Variants in PNISR observed in about 807,000 individuals in gnomAD.
PNISR encodes the protein PNN interacting serine and arginine rich protein, also known as arginine/serine-rich protein PNISR.
Under a neutral mutation model 93.4 loss-of-function variants are expected in PNISR, and 20 were observed. The observed-to-expected ratio is 0.21, with a 90% confidence interval of 0.15 to 0.31. PNISR has a LOEUF of 0.31. Ranked by LOEUF, PNISR falls within the 10% of genes least tolerant of loss-of-function variation. PNISR has a pLI of 1.00. For synonymous variants in PNISR, 305 were observed against 306.5 expected (o/e 0.99, Z 0.05); for missense variants, 893 against 985.4 (o/e 0.91, Z 1.25).
intron 1 of PNISR, among the ~76,000 whole-genome samples, chr6:99,421,362 T>C (rs1778529291): frequency 6.6e-6 from 1 of 152,230 alleles, no homozygotes; most frequent in Admixed American, 6.5e-5. Flanking sequence ...ACAGATACAC[T>C]GAAGTCCTAA....
At position 99,408,286 on chromosome 6, in the gene PNISR, A is replaced by G; in HGVS notation, c.674-15T>C. 1 of 1,561,424 alleles carries G rather than the reference A, an allele frequency of 6.4e-7. No individual in the cohort carries two copies. Among genetic ancestry groups the G allele is most frequent in the Non-Finnish European group, 8.7e-7 (1 of 1,145,274 alleles). On this transcript the variant is annotated splice_polypyrimidine_tract_variant and intron_variant, in intron 6 of 11. Coordinates refer to ENST00000369239, the MANE Select transcript of PNISR (RefSeq NM_032870.4). ...TTTTACTGCGTCTGTTTCACGTGGGAAAAATATACGCAAGTCAGTTAAGTA... is the reference window on the plus strand; with the variant it reads ...TTTTACTGCGTCTGTTTCACGTGGGGAAAATATACGCAAGTCAGTTAAGTA...
chr6:99,402,752 A>C (rs771195402), intron 10 of PNISR, 42 bp from the exon 11 acceptor site: 2 of 1,428,982 alleles, frequency 1.4e-6, no homozygotes, highest in Non-Finnish European at 1.9e-6. Context: ...AAAAAATTAT[A>C]CTATGCACTA....
In PNISR at chr6:99,406,015, A is replaced by G; in HGVS notation, c.1002+16T>C. On this transcript the variant is annotated intron_variant, in intron 8 of 11. Coordinates refer to ENST00000369239, the MANE Select transcript of PNISR (RefSeq NM_032870.4). Reference sequence around the variant, plus strand: ...GAAATAAATCCATGTACATAGTAAGAACTTTAACATTCTACCATTTGATAC... The same window carrying G: ...GAAATAAATCCATGTACATAGTAAGGACTTTAACATTCTACCATTTGATAC... 6.3e-7 allele frequency: 1 copy of G among 1,581,246 alleles called. No homozygotes were observed. Among genetic ancestry groups the G allele is most frequent in the Non-Finnish European group, 8.6e-7 (1 of 1,161,618 alleles).
intron 1 of PNISR, among the ~76,000 whole-genome samples, chr6:99,417,935 T>C (rs1242376581): frequency 7.2e-6 from 1 of 138,440 alleles, no homozygotes; most frequent in African/African-American, 2.7e-5. Flanking sequence ...GCCATTGCAC[T>C]CTAGCCTGGG....
At chr6:99,425,177 C>A in intron 1 of PNISR, 38 bp downstream of exon 1, 1 of 1,206,018 alleles carries the variant, frequency 8.3e-7, no homozygotes, top group Non-Finnish European at 1.0e-6. Flanking sequence ...TGTAATGGTC[C>A]GGCAAGTGCC....
chr6:99,422,870 C>G (rs1582863221), intron 1 of PNISR, among the ~76,000 whole-genome samples: 1 of 68,002 alleles, frequency 1.5e-5, no homozygotes, highest in Non-Finnish European at 2.7e-5. Context: ...GAGTGACACT[C>G]TGTCTCAAAA....
chr6:99,410,774 A>C lies in PNISR; in HGVS notation c.468T>G (p.Phe156Leu). 6.2e-7 allele frequency: 1 copy of C among 1,614,124 alleles called. No individual in the cohort carries two copies. The change falls in exon 5 of 12, where the codon TTT (phenylalanine) becomes TTG (leucine). Residue 156 changes from phenylalanine (F) to leucine (L), a missense_variant. By Grantham distance (22) the Phe-to-Leu change is conservative. Transcript: ENST00000369239. ...CAAACTGGTTCACTGGCCCCACTGCAAAATTATCGGGTGGTCCACCAAAGT... is the reference window on the plus strand; with the variant it reads ...CAAACTGGTTCACTGGCCCCACTGCCAAATTATCGGGTGGTCCACCAAAGT... ...NHNFGGPPDNFAVGPVNQFDY... is the reference protein window; with the variant it reads ...NHNFGGPPDNLAVGPVNQFDY...
intron 1 of PNISR, among the ~76,000 whole-genome samples, chr6:99,417,064 C>A (rs1242456550): frequency 6.6e-6 from 1 of 152,110 alleles, no homozygotes; most frequent in African/African-American, 2.4e-5. Flanking sequence ...TTATGAGAAC[C>A]AAAAAGCTTG....
In PNISR at chr6:99,415,998, C is replaced by T. The variant is rs558905846; in HGVS notation, c.-32+351G>A. 3.1e-5 allele frequency: 5 copies of T among 159,068 alleles called. No homozygotes were observed. In the South Asian group the frequency reaches 1.0e-3, roughly 33 times the overall value. 9.9% of individuals were successfully genotyped at this position (159,068 alleles called of 1,614,324 possible). A position where few individuals can be genotyped will look rare whatever the true frequency, so the allele number is the denominator to read the frequency against. On this transcript the variant is annotated intron_variant, in intron 2 of 11. Transcript: ENST00000369239. ...TATGGGAGGTGTATTTCTTTGTCAC[C>T]TTGATTTACTTATGAGTCAAATGTA... is the stretch of plus-strand genomic sequence containing the variant.
Position 99,401,108 on chromosome 6 carries a change from C to T in PNISR, c.1850G>A (p.Arg617His), listed in dbSNP as rs753785061. 52 of 1,613,708 alleles carry T rather than the reference C, an allele frequency of 3.2e-5. No homozygotes were observed. In the East Asian group the frequency reaches 6.9e-4, roughly 21 times the overall value. ...RRNRSPSRER[R>H]RSRSRSRDRR... ...ATCCCTTGAGCGACTTCTACTTCTA[C>T]GTCTCTCTCGGGAAGGACTCCGATT... Residue 617 changes from arginine to histidine, a missense_variant, in exon 12 of 12, where the codon CGT (arginine) becomes CAT (histidine). Coordinates refer to ENST00000369239, the MANE Select transcript of PNISR (RefSeq NM_032870.4).
In PNISR at chr6:99,420,677, T is replaced by C. The variant is rs184417304; in HGVS notation, c.-111-4249A>G. On this transcript the variant is annotated intron_variant, in intron 1 of 11. Transcript: ENST00000369239. Reference sequence around the variant, plus strand: ...TATGGTTTAACAAAATAACATAACGTTGTACCATTAAAAATGACATTTACA... The same window carrying C: ...TATGGTTTAACAAAATAACATAACGCTGTACCATTAAAAATGACATTTACA... Among the ~76,000 whole-genome samples, 24 of 152,324 alleles carry C rather than the reference T, an allele frequency of 1.6e-4. No homozygotes were observed. The East Asian group carries it at 4.4e-3, about 28-fold the overall frequency.
At position 99,399,736 on chromosome 6, in the gene PNISR, A is replaced by G. The variant is rs1775239844; in HGVS notation, c.*804T>C. 6.6e-6 allele frequency: 1 copy of G among 152,208 alleles called. No homozygotes were observed. Among genetic ancestry groups the G allele is most frequent in the African/African-American group, 2.4e-5 (1 of 41,466 alleles). The allele number at this position is 152,208 out of a possible 1,614,324, so 9.4% of individuals were successfully genotyped here. On this transcript the variant is annotated 3_prime_UTR_variant, in exon 12 of 12. Coordinates refer to ENST00000369239, the MANE Select transcript of PNISR (RefSeq NM_032870.4). ...GTTTAGAAAGTTGTCAAATACTTCC[A>G]AATGAAAAGTAAAGGTCTATTTCTA... is the stretch of plus-strand genomic sequence containing the variant.
Position 99,419,947 on chromosome 6 carries a change from C to T in PNISR, c.-111-3519G>A, listed in dbSNP as rs72930615. Among the ~76,000 whole-genome samples, 3 of 150,588 alleles carry T rather than the reference C, an allele frequency of 2.0e-5. No homozygotes were observed. The East Asian group carries it at 5.9e-4, about 29-fold the overall frequency. On this transcript the variant is annotated intron_variant, in intron 1 of 11. Transcript: ENST00000369239. ...TTGCCCAGGCTGGAGTGCAGTGGTGCGATGTTGGCTCACTGCAAGCTCTGC... is the reference window on the plus strand; with the variant it reads ...TTGCCCAGGCTGGAGTGCAGTGGTGTGATGTTGGCTCACTGCAAGCTCTGC...
Position 99,413,939 on chromosome 6 carries a change from C to G in PNISR, c.88+633G>C, listed in dbSNP as rs186386495. On this transcript the variant is annotated intron_variant, in intron 3 of 11. Transcript: ENST00000369239. ...GTACACAAGATTATGCTAATTGTTT[C>G]AAAAAGTGAAAAACTTTAAATAACA... Among the ~76,000 whole-genome samples, 5 of 152,206 alleles carry G rather than the reference C, an allele frequency of 3.3e-5. No homozygotes were observed. In the East Asian group the frequency reaches 9.6e-4, roughly 29 times the overall value.
At position 99,399,459 on chromosome 6, in the gene PNISR, T is replaced by C. The variant is rs1775208308; in HGVS notation, c.*1081A>G. 6.6e-6 allele frequency: 1 copy of C among 152,116 alleles called. No homozygotes were observed. Among genetic ancestry groups the C allele is most frequent in the Non-Finnish European group, 1.5e-5 (1 of 67,988 alleles). 9.4% of individuals were successfully genotyped at this position (152,116 alleles called of 1,614,324 possible). On this transcript the variant is annotated 3_prime_UTR_variant, in exon 12 of 12. Coordinates refer to ENST00000369239, the MANE Select transcript of PNISR (RefSeq NM_032870.4). ...TCATATTATACTTTAAAAATATAAATAAATATATTGAATCATGAGTCTTAT... is the reference window on the plus strand; with the variant it reads ...TCATATTATACTTTAAAAATATAAACAAATATATTGAATCATGAGTCTTAT...
Position 99,398,476 on chromosome 6 carries a change from A to G in PNISR, c.*2064T>C, listed in dbSNP as rs1011507450. On this transcript the variant is annotated 3_prime_UTR_variant, in exon 12 of 12. Transcript: ENST00000369239. ...TGCCACTAAAAGTCTGAAAAACCCA[A>G]ATATCAAATTATAACACTGGTTTAT... 10 of 152,152 alleles carry G rather than the reference A, an allele frequency of 6.6e-5. No homozygotes were observed. The highest frequency in any genetic ancestry group is 2.4e-4 in the African/African-American group (10 of 41,454). 9.4% of individuals were successfully genotyped at this position (152,152 alleles called of 1,614,324 possible).
At chr6:99,401,651 A>G in intron 11 of PNISR, 21 bp from the exon 12 acceptor site, 1 of 1,492,024 alleles carries the variant, frequency 6.7e-7, no homozygotes, top group Non-Finnish European at 8.9e-7. Context: ...AAAAGACAAA[A>G]ACACTAAGAA....
At chr6:99,419,209 G>T (rs1255230845) in intron 1 of PNISR, among the ~76,000 whole-genome samples, 2 of 128,058 alleles carry the variant, frequency 1.6e-5, no homozygotes, top group Non-Finnish European at 3.2e-5. Flanking sequence ...TACCATTATG[G>T]CATCTTAACA....
At chr6:99,406,365 CAAG>C (rs1776154611) in intron 7 of PNISR, among the ~76,000 whole-genome samples, 197 bp from the exon 8 acceptor site, 1 of 152,152 alleles carries the variant, frequency 6.6e-6, no homozygotes, top group Non-Finnish European at 1.5e-5. Flanking sequence ...TGTAAGATTA[CAAG>C]AAGGCTTAGG....
Sources: allele counts gnomAD v4.1 joint callset (sites outside exome capture counted in the v4.1 genomes callset), GRCh38; gene constraint gnomAD v4.1.1; transcripts MANE v1.5; gene names NCBI Gene and HGNC (gene_info 2026-07-23, HGNC 2026-07-21).